Variants in KLHL13 observed in about 807,000 individuals in gnomAD.
KLHL13 encodes the protein kelch-like protein 13.
KLHL13 carries 10 observed loss-of-function variants against 37.1 expected under a neutral mutation model. The observed-to-expected ratio is 0.27, with a 90% CI of 0.17 to 0.46. The LOEUF (loss-of-function observed/expected upper bound fraction) is 0.46. KLHL13 is among the 20% of genes least tolerant of loss of function. KLHL13 has a pLI of 1.00. For missense variants in KLHL13, 360 were observed against 509.3 expected, an observed-to-expected ratio of 0.71 and a Z score of 2.82; for synonymous variants, 163 against 181.2, an observed-to-expected ratio of 0.90 and a Z score of 0.81.
chrX:117,981,158 C>G (rs776275335), intron 1 of KLHL13, among the ~76,000 whole-genome samples: 9 of 112,068 alleles, frequency 8.0e-5, no homozygotes, highest in South Asian at 3.7e-4. Flanking sequence ...ATTGCTGTGC[C>G]TGCAAACAGA....
intron 1 of KLHL13, among the ~76,000 whole-genome samples, chrX:117,986,833 G>A (rs900730005): frequency 1.3e-4 from 14 of 111,827 alleles, no homozygotes; most frequent in African/African-American, 3.6e-4. Context: ...TCTTGCTAAT[G>A]TTTAGCACTC....
intron 1 of KLHL13, among the ~76,000 whole-genome samples, chrX:118,018,833 A>T (rs1485037181): frequency 9.0e-6 from 1 of 111,565 alleles, no homozygotes; most frequent in Non-Finnish European, 1.9e-5. Context: ...TTTTATTTAT[A>T]TCCAACTATT....
Position 118,036,215 on chromosome X carries a change from A to C in KLHL13, c.-56+80293T>G, listed in dbSNP as rs368071534. On this transcript the variant is annotated intron_variant, in intron 1 of 6. Coordinates refer to the KLHL13 transcript ENST00000371882. ...TGCCATCCCCATCAAGCTACCAATG[A>C]CTTTCTTCACAGAATTGGAAAAAAC... 6.7e-3 allele frequency among the ~76,000 whole-genome samples: 716 copies of C among 106,867 alleles called. 7 individuals carry two copies. Among genetic ancestry groups the C allele is most frequent in the African/African-American group, 0.023 (665 of 28,682 alleles). The allele number at this position is 106,867 out of a possible 115,157, so 92.8% of individuals were successfully genotyped here.
At chrX:117,913,583 C>T (rs764763260) in intron 4 of KLHL13, among the ~76,000 whole-genome samples, 25 of 112,220 alleles carry the variant, frequency 2.2e-4, no homozygotes, top group African/African-American at 6.1e-4. Context: ...CGGTGGCTCA[C>T]GCCTGTAATC....
intron 1 of KLHL13, among the ~76,000 whole-genome samples, chrX:118,012,188 C>T (rs2054077278): frequency 1.8e-5 from 2 of 111,700 alleles, no homozygotes; most frequent in African/African-American, 6.5e-5. Flanking sequence ...TCAGAAATTA[C>T]AGCTCCTGGT....
chrX:118,092,720 T>A lies in KLHL13; in HGVS notation c.-56+23788A>T, dbSNP rs187021716. ...CTTATGGTGAAATATTTCTGTATCA[T>A]CATTGTGGAGGTGGTTACATGAATC... On this transcript the variant is annotated intron_variant, in intron 1 of 6. Transcript: ENST00000371882. 2.4e-3 allele frequency among the ~76,000 whole-genome samples: 272 copies of A among 111,610 alleles called. 1 individual carries two copies. The highest frequency in any genetic ancestry group is 4.0e-3 in the Non-Finnish European group (214 of 53,086).
At chrX:118,046,672 T>C (rs539314676) in intron 1 of KLHL13, among the ~76,000 whole-genome samples, 5 of 111,622 alleles carry the variant, frequency 4.5e-5, no homozygotes, top group African/African-American at 1.6e-4. Context: ...TATATACACC[T>C]ACTATGTGCC....
At chrX:118,095,301 T>G (rs2055191080) in intron 1 of KLHL13, among the ~76,000 whole-genome samples, 1 of 110,657 alleles carries the variant, frequency 9.0e-6, no homozygotes, top group African/African-American at 3.3e-5. Flanking sequence ...AGAAGGCCAT[T>G]ACATAATGGT....
chrX:117,998,535 G>A (rs1019075249), intron 1 of KLHL13, among the ~76,000 whole-genome samples: 11 of 111,261 alleles, frequency 9.9e-5, no homozygotes, highest in African/African-American at 3.6e-4. Flanking sequence ...TACCCCTAGG[G>A]CTGAGAAAGA....
chrX:118,086,677 T>C, intron 1 of KLHL13, among the ~76,000 whole-genome samples: 1 of 112,067 alleles, frequency 8.9e-6, no homozygotes, highest in East Asian at 2.8e-4. Flanking sequence ...ACACACATGC[T>C]TGTATTTGCA....
At chrX:118,043,483 C>A (rs2054526624) in intron 1 of KLHL13, among the ~76,000 whole-genome samples, 1 of 111,298 alleles carries the variant, frequency 9.0e-6, no homozygotes, top group Non-Finnish European at 1.9e-5. Context: ...ATGCAAAAAT[C>A]CTCCACAAAA....
At chrX:118,010,945 C>T (rs894724291) in intron 1 of KLHL13, among the ~76,000 whole-genome samples, 2 of 109,056 alleles carry the variant, frequency 1.8e-5, no homozygotes, top group African/African-American at 3.3e-5. Context: ...TGGTGGCACA[C>T]GCCTGTCGTC....
intron 1 of KLHL13, among the ~76,000 whole-genome samples, chrX:118,031,529 T>TTA (rs1317596397): frequency 5.4e-5 from 4 of 74,594 alleles, no homozygotes; most frequent in African/African-American, 2.1e-4. Context: ...ATATATTTAG[T>TTA]TATATATATA....
At chrX:117,990,934 A>C (rs906861736) in intron 1 of KLHL13, among the ~76,000 whole-genome samples, 1 of 111,185 alleles carries the variant, frequency 9.0e-6, no homozygotes, top group East Asian at 2.8e-4. Context: ...GAATATTTAC[A>C]TAATGAACAA....
At chrX:117,974,358 A>G (rs1171460774), upstream of KLHL13, among the ~76,000 whole-genome samples, 2 of 112,130 alleles carry the variant, frequency 1.8e-5, no homozygotes, top group Non-Finnish European at 1.9e-5. Context: ...TTTTTAAAAA[A>G]TCACTGCAGG....
chrX:118,035,485 C>G (rs2054426053), intron 1 of KLHL13, among the ~76,000 whole-genome samples: 1 of 109,437 alleles, frequency 9.1e-6, no homozygotes, highest in Non-Finnish European at 1.9e-5. Context: ...GAACCAAAGA[C>G]AAAAACCACA....
chrX:118,114,956 G>A (rs1440298783), intron 1 of KLHL13, among the ~76,000 whole-genome samples: 1 of 111,689 alleles, frequency 9.0e-6, no homozygotes, highest in Non-Finnish European at 1.9e-5. Flanking sequence ...GCCATAAGAC[G>A]TGCTACCAGG....
At chrX:117,965,758 A>C (rs1383147984) in intron 1 of KLHL13, among the ~76,000 whole-genome samples, 2 of 111,915 alleles carry the variant, frequency 1.8e-5, no homozygotes, top group African/African-American at 6.5e-5. Context: ...ACATATGCAA[A>C]TCAATAAACA....
In KLHL13 at chrX:117,938,164, T is replaced by C. The variant is rs78789489; in HGVS notation, c.240+7270A>G. ...CATTTTCCCTGTTACTTTTTTTTAGTATCTTATATTCTTTCCATTCAATAT... is the reference window on the plus strand; with the variant it reads ...CATTTTCCCTGTTACTTTTTTTTAGCATCTTATATTCTTTCCATTCAATAT... On this transcript the variant is annotated intron_variant, in intron 2 of 6. Transcript: ENST00000262820. 7.0e-3 allele frequency among the ~76,000 whole-genome samples: 786 copies of C among 112,128 alleles called. 11 individuals carry two copies. Among genetic ancestry groups the C allele is most frequent in the African/African-American group, 0.024 (744 of 30,953 alleles).
Sources: gnomAD v4.1 joint callset for allele counts (sites outside exome capture counted in the v4.1 genomes callset) on GRCh38, gnomAD v4.1.1 for gene constraint, MANE v1.5 for transcripts, NCBI Gene and HGNC (gene_info 2026-07-23, HGNC 2026-07-21) for gene names.